Variants in WWC1 observed in about 807,000 individuals in gnomAD.
WWC1 encodes WW and C2 domain containing 1.
Under a neutral mutation model 138.4 loss-of-function variants are expected in WWC1, and 55 were observed. The observed-to-expected ratio is 0.40, with a 90% CI of 0.32 to 0.50. The LOEUF is 0.50. WWC1 is among the 20% of genes least tolerant of loss of function. The probability of loss-of-function intolerance (pLI) is 0.72; values close to 1 mark genes in which losing one functional copy is unlikely to be tolerated. For synonymous variants in WWC1, 524 were observed against 564.9 expected (o/e 0.93, Z 1.03); for missense variants, 1,226 against 1,420.4 (o/e 0.86, Z 2.20).
intron 9 of WWC1, among the ~76,000 whole-genome samples, chr5:168,421,393 C>A (rs1412066050): frequency 1.3e-5 from 2 of 152,186 alleles, no homozygotes; most frequent in African/African-American, 4.8e-5. Flanking sequence ...TGGGCCTCTC[C>A]TTTTGTGTTC....
At chr5:168,391,598 T>C (rs1014081790) in intron 3 of WWC1, among the ~76,000 whole-genome samples, 6 of 144,808 alleles carry the variant, frequency 4.1e-5, no homozygotes, top group African/African-American at 1.5e-4. Flanking sequence ...GGTGGAGCTT[T>C]CAGCGAGCTG....
chr5:168,343,279 T>C (rs1445435386), intron 1 of WWC1, among the ~76,000 whole-genome samples: 1 of 152,226 alleles, frequency 6.6e-6, no homozygotes, highest in East Asian at 1.9e-4. Flanking sequence ...CATGATAGCT[T>C]CAACATTCTG....
At chr5:168,385,111 A>G in intron 2 of WWC1, 100 bp from the exon 3 acceptor site, 2 of 1,138,444 alleles carry the variant, frequency 1.8e-6, no homozygotes, top group South Asian at 1.5e-5. Context: ...TGATTTGTCT[A>G]TGCATTTTGC....
At chr5:168,403,883 C>G (rs1779577762) in intron 5 of WWC1, among the ~76,000 whole-genome samples, 1 of 150,180 alleles carries the variant, frequency 6.7e-6, no homozygotes, top group Admixed American at 6.6e-5. Context: ...CACACACACA[C>G]ACACACACAC....
intron 1 of WWC1, among the ~76,000 whole-genome samples, chr5:168,361,918 C>T (rs1470368219): frequency 1.3e-5 from 2 of 151,964 alleles, no homozygotes; most frequent in Non-Finnish European, 2.9e-5. Context: ...CCCATCTCTA[C>T]TAAAAATAGA....
intron 1 of WWC1, among the ~76,000 whole-genome samples, chr5:168,353,850 A>G (rs1159589782): frequency 6.6e-6 from 1 of 152,162 alleles, no homozygotes; most frequent in African/African-American, 2.4e-5. Context: ...CTTTCTGGGA[A>G]TCCTGTGTCG....
rs1654558939 is a variant in WWC1, at chr5:168,423,868, G to A, written c.1610G>A (p.Arg537His). Residue 537 changes from arginine (R) to histidine (H), a missense_variant, in exon 11 of 23, where the codon CGT becomes CAT. Arg to His is a conservative substitution (Grantham distance 29). Transcript: ENST00000265293. ...AAGTCCATGACCTCCCTATCCCCAC[G>A]TTCCTCTCTCTCCTCCCCCTCCCCA... Reference protein sequence around the residue: ...TPKSMTSLSPRSSLSSPSPPC... With the variant: ...TPKSMTSLSPHSSLSSPSPPC... The A allele has an allele frequency of 1.9e-6, 3 of 1,613,960 alleles. No homozygotes were observed. Among genetic ancestry groups the A allele is most frequent in the East Asian group, 2.2e-5 (1 of 44,878 alleles).
At position 168,291,940 on chromosome 5, in the gene WWC1, G is replaced by C. The variant is rs1769082383; in HGVS notation, c.-213G>C. On this transcript the variant is annotated 5_prime_UTR_variant, in exon 1 of 23. Coordinates refer to ENST00000265293, the MANE Select transcript of WWC1 (RefSeq NM_015238.3). ...CATGGCAGCGTGAGAGGCCGGCGGC[G>C]GGAGGAGCGGGCGGCGCCGGGTCGG... is the stretch of plus-strand genomic sequence containing the variant. 6.3e-6 allele frequency: 2 copies of C among 315,426 alleles called. No individual in the cohort carries two copies. The highest frequency in any genetic ancestry group is 1.1e-5 in the Non-Finnish European group (2 of 182,216). 19.5% of individuals were successfully genotyped at this position (315,426 alleles called of 1,614,324 possible).
chr5:168,366,127 G>A (rs1776271774), intron 1 of WWC1, among the ~76,000 whole-genome samples: 1 of 152,234 alleles, frequency 6.6e-6, no homozygotes, highest in Non-Finnish European at 1.5e-5. Flanking sequence ...GGGACGGGGG[G>A]TGGCTGGTTT....
At position 168,292,206 on chromosome 5, in the gene WWC1, C is replaced by A; in HGVS notation, c.54C>A (p.Phe18Leu). 1 of 1,567,144 alleles carries A rather than the reference C, an allele frequency of 6.4e-7. No homozygotes were observed. Residue 18 changes from phenylalanine to leucine, a missense_variant, in exon 1 of 23, where the codon TTC becomes TTA. Phe to Leu is a conservative substitution (Grantham distance 22, BLOSUM62 0). Transcript: ENST00000265293. The surrounding 1 kb of genome is among the most constrained non-coding windows in gnomAD (Gnocchi z 4.4). Reference sequence around the variant, plus strand: ...AGGGCTGGGAGGAGGCGCGCGACTTCGACGGCAAGGTCTACTACATAGACC... The same window carrying A: ...AGGGCTGGGAGGAGGCGCGCGACTTAGACGGCAAGGTCTACTACATAGACC... ...LPEGWEEARD[F>L]DGKVYYIDHT... is the part of the protein sequence containing the mutation.
Position 168,403,120 on chromosome 5 carries a change from CAG to C in WWC1, c.591-3075_591-3074del, listed in dbSNP as rs947698739. ...TCTTTCTTTCTTTCTTTTCTTTCGACAGAGTCTTGCCCTGTCACCCAGGCTGG... is the reference window on the plus strand; with the variant it reads ...TCTTTCTTTCTTTCTTTTCTTTCGACAGTCTTGCCCTGTCACCCAGGCTGG... On this transcript the variant is annotated intron_variant, in intron 5 of 22. Coordinates refer to ENST00000265293, the MANE Select transcript of WWC1 (RefSeq NM_015238.3). Among the ~76,000 whole-genome samples, 5 of 138,952 alleles carry C rather than the reference CAG, an allele frequency of 3.6e-5. No homozygotes were observed. In the Admixed American group the frequency reaches 3.8e-4, roughly 10 times the overall value. 91.2% of individuals were successfully genotyped at this position (138,952 alleles called of 152,430 possible). A position where few individuals can be genotyped will look rare whatever the true frequency, so the allele number is the denominator to read the frequency against.
At chr5:168,306,226 GTC>G (rs1215594593) in intron 1 of WWC1, among the ~76,000 whole-genome samples, 1 of 152,050 alleles carries the variant, frequency 6.6e-6, no homozygotes, top group Non-Finnish European at 1.5e-5. Context: ...GTGAGACCCT[GTC>G]TCTACTAAAA....
At chr5:168,331,841 C>T (rs1449499351) in intron 1 of WWC1, among the ~76,000 whole-genome samples, 2 of 152,208 alleles carry the variant, frequency 1.3e-5, no homozygotes, top group East Asian at 3.9e-4. Flanking sequence ...AAGAGAATCA[C>T]GGAATTCTCT....
chr5:168,301,190 A>T (rs1003584516), intron 1 of WWC1, among the ~76,000 whole-genome samples: 1 of 152,160 alleles, frequency 6.6e-6, no homozygotes, highest in Non-Finnish European at 1.5e-5. Context: ...TGACAAGCTC[A>T]TTTTTCCACT....
chr5:168,452,096 A>G lies in WWC1; in HGVS notation c.2526-1872A>G, dbSNP rs1286938667. 5.3e-5 allele frequency among the ~76,000 whole-genome samples: 8 copies of G among 152,018 alleles called. No homozygotes were observed. In the East Asian group the frequency reaches 1.4e-3, roughly 26 times the overall value. Reference sequence around the variant, plus strand: ...AATTTTTGTATTTTTAGTAGAGACAAGGTTTTACCACATTGGCCAAGATGG... The same window carrying G: ...AATTTTTGTATTTTTAGTAGAGACAGGGTTTTACCACATTGGCCAAGATGG... On this transcript the variant is annotated intron_variant, in intron 17 of 22. Coordinates refer to ENST00000265293, the MANE Select transcript of WWC1 (RefSeq NM_015238.3).
At chr5:168,313,763 TC>T (rs1771331444) in intron 1 of WWC1, among the ~76,000 whole-genome samples, 1 of 152,196 alleles carries the variant, frequency 6.6e-6, no homozygotes, top group African/African-American at 2.4e-5. Context: ...TGCCTGTGCC[TC>T]TTTCTAGTTC....
intron 4 of WWC1, 80 bp downstream of exon 4, chr5:168,397,880 G>C: frequency 6.8e-7 from 1 of 1,477,320 alleles, no homozygotes; most frequent in East Asian, 2.3e-5. Flanking sequence ...CACAAGACCA[G>C]AACAGATGCT....
chr5:168,454,143 A>G, intron 18 of WWC1, 43 bp downstream of exon 18: 1 of 1,598,568 alleles, frequency 6.3e-7, no homozygotes. Flanking sequence ...GTGGGGAAGG[A>G]ACCTTCAATC....
chr5:168,389,614 T>G (rs1162416574), intron 3 of WWC1, among the ~76,000 whole-genome samples: 4 of 147,360 alleles, frequency 2.7e-5, no homozygotes, highest in African/African-American at 1.0e-4. Flanking sequence ...TTTTTTTTTT[T>G]TTTTGTTAAT....
Sources: allele counts gnomAD v4.1 joint callset (sites outside exome capture counted in the v4.1 genomes callset), GRCh38; gene constraint gnomAD v4.1.1; non-coding constraint Gnocchi (gnomAD v3.1); transcripts MANE v1.5; gene names NCBI Gene and HGNC (gene_info 2026-07-23, HGNC 2026-07-21).